MAGED1: variants seen among roughly 807,000 people sequenced by gnomAD.
MAGED1 encodes MAGE family member D1.
MAGED1 carries 3 observed loss-of-function variants against 54.1 expected under a neutral mutation model. The ratio of observed to expected loss-of-function variants is 0.06; its 90% CI spans 0.03 to 0.14. The LOEUF is 0.14. MAGED1 is among the 10% of genes least tolerant of loss of function. MAGED1 has a pLI of 1.00. For missense variants in MAGED1, 485 were observed against 623.4 expected, an observed-to-expected ratio of 0.78 and a Z score of 2.36; for synonymous variants, 217 against 227.3, an observed-to-expected ratio of 0.95 and a Z score of 0.41.
chrX:51,895,502 G>A lies in MAGED1; in HGVS notation c.495G>A (p.Gln165=). Residue 165 remains glutamine, a synonymous_variant, in exon 3 of 13, where the codon CAG becomes CAA. Transcript: ENST00000326587. ...VGPNATYNFS[Q]SLNANDLANS... is the part of the protein sequence containing the mutation. ...CAAATGCCACCTACAATTTCTCTCA[G>A]TCTCTCAATGCCAATGACCTGGCCA... The A allele has an allele frequency of 1.7e-6, 2 of 1,210,389 alleles. No homozygotes were observed. Among genetic ancestry groups the A allele is most frequent in the Non-Finnish European group, 1.1e-6 (1 of 894,899 alleles).
chrX:51,804,820 T>C (rs1924972889), intron 1 of MAGED1, among the ~76,000 whole-genome samples: 1 of 111,849 alleles, frequency 8.9e-6, no homozygotes. Flanking sequence ...TAAGGTGATA[T>C]TTGAGCAGGA....
intron 1 of MAGED1, among the ~76,000 whole-genome samples, chrX:51,832,750 C>T (rs1391971261): frequency 1.8e-5 from 2 of 110,854 alleles, no homozygotes; most frequent in African/African-American, 3.3e-5. Context: ...GCATGCCTCC[C>T]CACCTTCACT....
At chrX:51,827,017 G>A (rs6614327) in intron 1 of MAGED1, among the ~76,000 whole-genome samples, 4,230 of 111,918 alleles carry the variant, frequency 0.038, 105 homozygotes, top group East Asian at 0.15. Flanking sequence ...ATTGTAGTGC[G>A]TCCAGACGAT....
upstream of MAGED1, among the ~76,000 whole-genome samples, chrX:51,888,673 G>A (rs1407678224): frequency 8.9e-6 from 1 of 112,355 alleles, no homozygotes; most frequent in Non-Finnish European, 1.9e-5. Context: ...ACAAATGTGT[G>A]TAGCAGCTTC....
At chrX:51,894,501 G>A (rs782464633) in intron 2 of MAGED1, 152 bp downstream of exon 2, 17 of 799,732 alleles carry the variant, frequency 2.1e-5, no homozygotes, top group Middle Eastern at 3.3e-4. Context: ...TTTATCGAAG[G>A]GGGGGAGGGG....
chrX:51,824,138 C>T (rs2146958992), intron 1 of MAGED1, among the ~76,000 whole-genome samples: 1 of 111,849 alleles, frequency 8.9e-6, no homozygotes, highest in Admixed American at 9.5e-5. Flanking sequence ...TTTCACGTTA[C>T]TATCTAGTGT....
intron 1 of MAGED1, among the ~76,000 whole-genome samples, chrX:51,882,951 A>G (rs1428233751): frequency 1.8e-5 from 2 of 111,926 alleles, no homozygotes; most frequent in Admixed American, 1.9e-4. Flanking sequence ...TCAGCCTCCC[A>G]AAGTGCTGGG....
intron 1 of MAGED1, among the ~76,000 whole-genome samples, chrX:51,846,747 T>C (rs190446890): frequency 2.8e-3 from 306 of 110,549 alleles, no homozygotes; most frequent in African/African-American, 9.8e-3. Context: ...CTATACACTT[T>C]TAAAACAACC....
chrX:51,838,288 T>C (rs1569555630), intron 1 of MAGED1, among the ~76,000 whole-genome samples: 1 of 112,701 alleles, frequency 8.9e-6, no homozygotes, highest in Non-Finnish European at 1.9e-5. Flanking sequence ...CCGTGTACTC[T>C]TAGTGTCAGT....
chrX:51,867,354 T>C (rs1291562660), intron 1 of MAGED1, among the ~76,000 whole-genome samples: 1 of 111,860 alleles, frequency 8.9e-6, no homozygotes. Flanking sequence ...TATTAAGTAT[T>C]AACTTACACG....
At chrX:51,838,514 A>T (rs1926337525) in intron 1 of MAGED1, among the ~76,000 whole-genome samples, 1 of 112,326 alleles carries the variant, frequency 8.9e-6, no homozygotes, top group South Asian at 3.7e-4. Context: ...GGTACCAGGG[A>T]ATATTTGGGC....
chrX:51,809,944 A>G (rs1206065275), intron 1 of MAGED1, among the ~76,000 whole-genome samples: 2 of 112,258 alleles, frequency 1.8e-5, no homozygotes, highest in Non-Finnish European at 3.8e-5. Context: ...CATAATAATC[A>G]AGATAAATGA....
At position 51,898,003 on chromosome X, in the gene MAGED1, G is replaced by A. The variant is rs1928840703; in HGVS notation, c.1659-111G>A. 3.4e-6 allele frequency: 3 copies of A among 895,248 alleles called. No homozygotes were observed. In the South Asian group the frequency reaches 6.5e-5, roughly 19 times the overall value. 73.8% of individuals were successfully genotyped at this position (895,248 alleles called of 1,213,427 possible). ...ACATAGCAGGTCATGGGCAGAGCTG[G>A]GGTATAATTCTCCCCTAGCTGAGGA... is the stretch of plus-strand genomic sequence containing the variant. On this transcript the variant is annotated intron_variant, in intron 7 of 12. Coordinates refer to ENST00000326587, the MANE Select transcript of MAGED1 (RefSeq NM_006986.4).
chrX:51,896,645 A>G lies in MAGED1; in HGVS notation c.990A>G (p.Pro330=). 8.3e-7 allele frequency: 1 copy of G among 1,211,871 alleles called. No homozygotes were observed. Among genetic ancestry groups the G allele is most frequent in the Non-Finnish European group, 1.1e-6 (1 of 895,481 alleles). The stretch of plus-strand genomic sequence containing the variant: ...GCCCTCCAGCTAGGCAGACCCCACC[A>G]GCCTGGCAGAACCCAGTCGCTTGGC... ...RQSPPARQTP[P]AWQNPVAWQN... The change falls in exon 4 of 13, where the codon CCA becomes CCG. Residue 330 remains proline (P), a synonymous_variant. Coordinates refer to ENST00000326587, the MANE Select transcript of MAGED1 (RefSeq NM_006986.4).
intron 1 of MAGED1, among the ~76,000 whole-genome samples, chrX:51,887,206 A>C (rs1928272421): frequency 8.9e-6 from 1 of 111,993 alleles, no homozygotes; most frequent in Admixed American, 9.5e-5. Flanking sequence ...TAAATGGAGA[A>C]GCACATATCG....
At chrX:51,816,010 G>A (rs1002091591) in intron 1 of MAGED1, among the ~76,000 whole-genome samples, 1 of 111,293 alleles carries the variant, frequency 9.0e-6, no homozygotes, top group Non-Finnish European at 1.9e-5. Context: ...TAATGTCCTA[G>A]GCCTTCACAT....
chrX:51,810,668 G>T (rs782722548), intron 1 of MAGED1, among the ~76,000 whole-genome samples: 1 of 111,704 alleles, frequency 9.0e-6, no homozygotes, highest in African/African-American at 3.2e-5. Context: ...AGCATACTCT[G>T]GGCATAGGCA....
chrX:51,864,993 T>C (rs1180810943), intron 1 of MAGED1, among the ~76,000 whole-genome samples: 2 of 112,049 alleles, frequency 1.8e-5, no homozygotes, highest in African/African-American at 3.2e-5. Flanking sequence ...CTATGATGAA[T>C]AGAAATGGTG....
chrX:51,896,302 TG>T, intron 3 of MAGED1, 106 bp from the exon 4 acceptor site: 1 of 680,563 alleles, frequency 1.5e-6, no homozygotes, highest in Non-Finnish European at 2.2e-6. Context: ...CAATGGCTAG[TG>T]GGTCAGGCTG....
Sources: gnomAD v4.1 joint callset for allele counts (sites outside exome capture counted in the v4.1 genomes callset) on GRCh38, gnomAD v4.1.1 for gene constraint, MANE v1.5 for transcripts, NCBI Gene and HGNC (gene_info 2026-07-23, HGNC 2026-07-21) for gene names.